Variants in TSPAN15 observed in about 807,000 individuals in gnomAD.
The protein encoded by TSPAN15 is tetraspanin-15.
TSPAN15 carries 20 observed loss-of-function variants against 34.5 expected under a neutral mutation model. That is an observed-to-expected ratio of 0.58 (90% confidence interval 0.41 to 0.84). The LOEUF (loss-of-function observed/expected upper bound fraction) is 0.84. Among genes scored for constraint, TSPAN15 ranks in the 40% least tolerant of loss-of-function variants. The pLI, the probability that TSPAN15 is intolerant of heterozygous loss-of-function variation, is 0.00. For missense variants in TSPAN15, 313 were observed against 386.1 expected, an observed-to-expected ratio of 0.81 and a Z score of 1.59; for synonymous variants, 155 against 153.9, an observed-to-expected ratio of 1.01 and a Z score of -0.05.
At chr10:69,540,080 AG>A in the TSPAN15 span, among the ~76,000 whole-genome samples, 5 of 151,982 alleles carry the variant, frequency 3.3e-5, no homozygotes, top group Admixed American at 1.3e-4. Context: ...TAGTAGAGAC[AG>A]GGTTTCACCA....
At chr10:69,509,408 G>A (rs1316886963), downstream of TSPAN15, among the ~76,000 whole-genome samples, 4 of 149,890 alleles carry the variant, frequency 2.7e-5, no homozygotes, top group South Asian at 2.1e-4. Flanking sequence ...CATATCCTTC[G>A]CCCACTTTTT....
At chr10:69,480,260 G>A (rs1841704889) in intron 1 of TSPAN15, among the ~76,000 whole-genome samples, 1 of 152,170 alleles carries the variant, frequency 6.6e-6, no homozygotes, top group South Asian at 2.1e-4. Flanking sequence ...AGGCAGGAAG[G>A]AGGAATGGGA....
In TSPAN15 at chr10:69,503,702, G is replaced by A. The variant is rs1271629513; in HGVS notation, c.571-736G>A. On this transcript the variant is annotated intron_variant, in intron 5 of 7. Transcript: ENST00000373290. ...CATGTAGAGCAGCGGGGCTGGGGGG[G>A]ACGGTCATGGGCTGGACCAGGAAGT... Among the ~76,000 whole-genome samples, 5 of 152,302 alleles carry A rather than the reference G, an allele frequency of 3.3e-5. No homozygotes were observed. In the East Asian group the frequency reaches 9.7e-4, roughly 30 times the overall value.
At chr10:69,547,635 A>G in the TSPAN15 span, among the ~76,000 whole-genome samples, 2 of 152,234 alleles carry the variant, frequency 1.3e-5, no homozygotes, top group African/African-American at 4.8e-5. Context: ...CAGGAAGTAA[A>G]TAGAGTTTTT....
intron 1 of TSPAN15, among the ~76,000 whole-genome samples, chr10:69,472,425 C>A (rs1841526128): frequency 6.6e-6 from 1 of 152,176 alleles, no homozygotes; most frequent in Non-Finnish European, 1.5e-5. Flanking sequence ...TCACATCTAC[C>A]CCAGGGTTTT....
chr10:69,545,931 G>A, the TSPAN15 span, among the ~76,000 whole-genome samples: 11 of 152,230 alleles, frequency 7.2e-5, no homozygotes, highest in East Asian at 9.6e-4. Context: ...ACTCCAGCCC[G>A]GGTGACAGAG....
At chr10:69,502,348 G>A (rs1842228161) in intron 5 of TSPAN15, among the ~76,000 whole-genome samples, 1 of 152,206 alleles carries the variant, frequency 6.6e-6, no homozygotes, top group African/African-American at 2.4e-5. Flanking sequence ...TGCCTGCTGA[G>A]CTCTTGGGAC....
At chr10:69,510,657 T>C (rs1441764343), downstream of TSPAN15, among the ~76,000 whole-genome samples, 1 of 152,244 alleles carries the variant, frequency 6.6e-6, no homozygotes, top group South Asian at 2.1e-4. Flanking sequence ...TTGTGCTGGT[T>C]TTCAAAGGGA....
chr10:69,473,858 A>C (rs1454178990), intron 1 of TSPAN15, among the ~76,000 whole-genome samples: 1 of 152,066 alleles, frequency 6.6e-6, no homozygotes, highest in Non-Finnish European at 1.5e-5. Flanking sequence ...CCTTCTATCC[A>C]TAGTTCAGGG....
At chr10:69,460,287 G>T (rs935952044) in intron 1 of TSPAN15, among the ~76,000 whole-genome samples, 3 of 152,100 alleles carry the variant, frequency 2.0e-5, no homozygotes, top group African/African-American at 7.2e-5. Flanking sequence ...AGGCACGCGG[G>T]GCCAGGCAGG....
chr10:69,457,472 G>C (rs1397014362), intron 1 of TSPAN15, among the ~76,000 whole-genome samples: 2 of 152,198 alleles, frequency 1.3e-5, no homozygotes, highest in East Asian at 3.8e-4. Flanking sequence ...GGACTTTCAA[G>C]TGGGTAAAGG....
chr10:69,539,042 G>C, the TSPAN15 span, among the ~76,000 whole-genome samples: 1 of 152,096 alleles, frequency 6.6e-6, no homozygotes, highest in Non-Finnish European at 1.5e-5. Context: ...TCCTAAATTT[G>C]GCTCATAGAG....
the TSPAN15 span, among the ~76,000 whole-genome samples, chr10:69,530,445 T>C: frequency 1.4e-3 from 211 of 148,014 alleles, 13 homozygotes; most frequent in African/African-American, 4.8e-3. Flanking sequence ...GATGAGTAAG[T>C]TCCCAAAATA....
intron 3 of TSPAN15, 110 bp from the exon 4 acceptor site, chr10:69,495,484 G>T: frequency 1.3e-6 from 1 of 763,488 alleles, no homozygotes. Context: ...GGCTGGGCGC[G>T]AGCTGCATTG....
chr10:69,523,156 C>T, the TSPAN15 span, among the ~76,000 whole-genome samples: 1 of 148,132 alleles, frequency 6.8e-6, no homozygotes, highest in African/African-American at 2.5e-5. Context: ...AGTTTTCTCA[C>T]CATTTATTTA....
At chr10:69,531,697 T>C in the TSPAN15 span, among the ~76,000 whole-genome samples, 1 of 151,892 alleles carries the variant, frequency 6.6e-6, no homozygotes, top group Non-Finnish European at 1.5e-5. Context: ...CAGAAAGATA[T>C]ACCTGCACAA....
chr10:69,524,610 T>A, the TSPAN15 span, among the ~76,000 whole-genome samples: 1 of 144,376 alleles, frequency 6.9e-6, no homozygotes, highest in Non-Finnish European at 1.5e-5. Flanking sequence ...AATAACATAT[T>A]TTAAAGCTAC....
At chr10:69,466,388 G>T (rs940448265) in intron 1 of TSPAN15, among the ~76,000 whole-genome samples, 1 of 152,102 alleles carries the variant, frequency 6.6e-6, no homozygotes, top group Non-Finnish European at 1.5e-5. Flanking sequence ...GCATCCCCCC[G>T]CTGATTCCTG....
chr10:69,519,649 T>C, the TSPAN15 span, among the ~76,000 whole-genome samples: 11 of 152,224 alleles, frequency 7.2e-5, no homozygotes, highest in Non-Finnish European at 1.0e-4. Context: ...GATGGAAATG[T>C]ATGTTATTCT....
Sources: allele counts gnomAD v4.1 joint callset (sites outside exome capture counted in the v4.1 genomes callset), GRCh38; gene constraint gnomAD v4.1.1; transcripts MANE v1.5; gene names NCBI Gene and HGNC (gene_info 2026-07-23, HGNC 2026-07-21).